PRKN: variants seen among roughly 807,000 people sequenced by gnomAD.
The protein encoded by PRKN is parkin RBR E3 ubiquitin protein ligase.
In PRKN, 56 loss-of-function variants were observed where a neutral mutation model predicts 59.5. The ratio of observed to expected loss-of-function variants is 0.94; its 90% confidence interval spans 0.76 to 1.18. The LOEUF is 1.18. PRKN is among the 50% of genes most tolerant of loss of function. The pLI is 0.00. For missense variants in PRKN, 657 were observed against 596.4 expected, an observed-to-expected ratio of 1.10 and a Z score of -1.06; for synonymous variants, 250 against 222.1, an observed-to-expected ratio of 1.13 and a Z score of -1.12.
chr6:162,616,851 A>C (rs1782442806), intron 1 of PRKN, among the ~76,000 whole-genome samples: 1 of 152,196 alleles, frequency 6.6e-6, no homozygotes, highest in Admixed American at 6.5e-5. Flanking sequence ...CAGGAATAAG[A>C]CTTTTAAATG....
At chr6:161,512,332 G>A (rs970779145) in intron 9 of PRKN, among the ~76,000 whole-genome samples, 4 of 142,400 alleles carry the variant, frequency 2.8e-5, no homozygotes, top group African/African-American at 1.1e-4. Flanking sequence ...AACACACTTG[G>A]CCAAAAAGGG....
At chr6:162,069,382 T>C (rs1296133504) in intron 4 of PRKN, among the ~76,000 whole-genome samples, 1 of 152,216 alleles carries the variant, frequency 6.6e-6, no homozygotes, top group Non-Finnish European at 1.5e-5. Context: ...CCTCTTTTTG[T>C]TCCCAGACTC....
At chr6:162,023,023 T>A (rs1783269994) in intron 5 of PRKN, among the ~76,000 whole-genome samples, 1 of 152,116 alleles carries the variant, frequency 6.6e-6, no homozygotes, top group South Asian at 2.1e-4. Flanking sequence ...ATGTGTCCAT[T>A]TTTGTACCAG....
intron 1 of PRKN, among the ~76,000 whole-genome samples, chr6:162,627,548 G>A (rs1782944236): frequency 1.3e-5 from 2 of 152,028 alleles, no homozygotes; most frequent in South Asian, 4.2e-4. Flanking sequence ...GGAGTTGGAG[G>A]CGAGGGAGAC....
chr6:161,636,854 AG>A lies in PRKN; in HGVS notation c.872-67439del, dbSNP rs545374479. ...TCAGTCCGACCTACAGAAAGGCAGG[AG>A]GAGGGATGACCGGCCGCACGTCAAC... is the stretch of plus-strand genomic sequence containing the variant. On this transcript the variant is annotated intron_variant, in intron 7 of 11. Coordinates refer to ENST00000366898, the MANE Select transcript of PRKN (RefSeq NM_004562.3). Among the ~76,000 whole-genome samples, 838 of 152,302 alleles carry A rather than the reference AG, an allele frequency of 5.5e-3. 4 individuals carry two copies. The highest frequency in any genetic ancestry group is 9.8e-3 in the Non-Finnish European group (668 of 68,024).
At chr6:162,431,137 T>C (rs918704194) in intron 2 of PRKN, among the ~76,000 whole-genome samples, 1 of 151,310 alleles carries the variant, frequency 6.6e-6, no homozygotes, top group African/African-American at 2.4e-5. Flanking sequence ...TTATAGAGAG[T>C]CAGTTTACCT....
intron 1 of PRKN, among the ~76,000 whole-genome samples, chr6:162,702,287 A>G (rs1275330699): frequency 3.3e-5 from 5 of 152,142 alleles, no homozygotes; most frequent in Non-Finnish European, 7.4e-5. Flanking sequence ...TTTTTCCTTT[A>G]AAAATAATTT....
rs867000807 is a variant in PRKN at position 161,420,013 on chromosome 6, C to A, written c.1084-33136G>T. On this transcript the variant is annotated intron_variant, in intron 9 of 11. Coordinates refer to ENST00000366898, the MANE Select transcript of PRKN (RefSeq NM_004562.3). ...CAGCACTTTGGGAGGCTGAGGAGGG[C>A]GGATCACGAGGTCAAGAGATCAAGA... Among the ~76,000 whole-genome samples the A allele has an allele frequency of 3.9e-5, 6 of 151,920 alleles. No individual in the cohort carries two copies. The South Asian group carries it at 1.2e-3, about 32-fold the overall frequency.
chr6:162,414,568 G>A (rs1242769385), intron 2 of PRKN, among the ~76,000 whole-genome samples: 2 of 151,086 alleles, frequency 1.3e-5, no homozygotes, highest in Admixed American at 1.3e-4. Context: ...AAAATTAGCC[G>A]CGCATGGTTG....
At chr6:161,798,106 C>A (rs533280663) in intron 6 of PRKN, among the ~76,000 whole-genome samples, 2 of 152,096 alleles carry the variant, frequency 1.3e-5, no homozygotes, top group Non-Finnish European at 2.9e-5. Context: ...GAGGCTAAGG[C>A]GGGAGAATGG....
At chr6:162,546,147 A>G (rs1779110151) in intron 1 of PRKN, among the ~76,000 whole-genome samples, 2 of 130,012 alleles carry the variant, frequency 1.5e-5, no homozygotes, top group Non-Finnish European at 3.1e-5. Flanking sequence ...TCTGTTGCTC[A>G]GGCTGGAGTG....
intron 2 of PRKN, among the ~76,000 whole-genome samples, chr6:162,441,486 T>C (rs1034471640): frequency 2.6e-5 from 4 of 152,198 alleles, no homozygotes; most frequent in African/African-American, 9.6e-5. Context: ...ATGTGTTTTC[T>C]CCACCTTTAA....
intron 1 of PRKN, among the ~76,000 whole-genome samples, chr6:162,576,809 T>C: frequency 2.8e-5 from 1 of 35,980 alleles, no homozygotes; most frequent in South Asian, 7.0e-4. Flanking sequence ...TGAGACTCCG[T>C]CAAAAAAAAA....
In PRKN at chr6:161,458,826, A is replaced by C. The variant is rs1790083472; in HGVS notation, c.1084-71949T>G. 6.6e-6 allele frequency among the ~76,000 whole-genome samples: 1 copy of C among 152,116 alleles called. No homozygotes were observed. Among genetic ancestry groups the C allele is most frequent in the Admixed American group, 6.6e-5 (1 of 15,258 alleles). On this transcript the variant is annotated intron_variant, in intron 9 of 11. Transcript: ENST00000366898. This position sits in a 1 kb window ranked among gnomAD's most constrained non-coding sequence, Gnocchi z 6.1. Reference sequence around the variant, plus strand: ...TACTGACTTTGCCAGAAATTCGTAAATTTTTAGGAAAGTGAAGAGCATATG... The same window carrying C: ...TACTGACTTTGCCAGAAATTCGTAACTTTTTAGGAAAGTGAAGAGCATATG...
intron 2 of PRKN, among the ~76,000 whole-genome samples, chr6:162,267,830 A>C (rs1780205009): frequency 6.6e-6 from 1 of 152,160 alleles, no homozygotes; most frequent in African/African-American, 2.4e-5. Flanking sequence ...AACAATGATC[A>C]ACTCTCATCT....
At chr6:162,434,268 T>C (rs1049372287) in intron 2 of PRKN, among the ~76,000 whole-genome samples, 2 of 152,200 alleles carry the variant, frequency 1.3e-5, no homozygotes, top group African/African-American at 2.4e-5. Context: ...ACACCAACTT[T>C]ATAAATCATG....
chr6:162,310,760 TA>T (rs67313116), intron 2 of PRKN, among the ~76,000 whole-genome samples: 6 of 142,984 alleles, frequency 4.2e-5, no homozygotes, highest in African/African-American at 1.4e-4. Context: ...TATATATATA[TA>T]AAAAAAAGCA....
At chr6:162,690,944 T>C (rs1777750811) in intron 1 of PRKN, among the ~76,000 whole-genome samples, 1 of 152,176 alleles carries the variant, frequency 6.6e-6, no homozygotes. Flanking sequence ...GCACTGAATG[T>C]TATGCCTTCA....
chr6:161,791,495 A>G (rs1472975016), intron 6 of PRKN, among the ~76,000 whole-genome samples: 1 of 151,944 alleles, frequency 6.6e-6, no homozygotes, highest in Non-Finnish European at 1.5e-5. Flanking sequence ...TCCTTCACAC[A>G]CTCTCTGGCA....
Sources: allele counts gnomAD v4.1 joint callset (sites outside exome capture counted in the v4.1 genomes callset), GRCh38; gene constraint gnomAD v4.1.1; non-coding constraint Gnocchi (gnomAD v3.1); transcripts MANE v1.5; gene names NCBI Gene and HGNC (gene_info 2026-07-23, HGNC 2026-07-21).